The following PTCD3 variants were observed in gnomAD, a reference collection of about 807,000 sequenced individuals.
The protein encoded by PTCD3 is small ribosomal subunit protein mS39.
A neutral mutation model predicts 101.9 loss-of-function variants in PTCD3; 89 were observed. The observed-to-expected ratio is 0.87, with a 90% CI of 0.74 to 1.04. The LOEUF is 1.04. PTCD3 is among the 50% of genes least tolerant of loss of function. The pLI, the probability that PTCD3 is intolerant of heterozygous loss-of-function variation, is 0.00. For synonymous variants in PTCD3, 296 were observed against 278.5 expected, an observed-to-expected ratio of 1.06 and a Z score of -0.63; for missense variants, 870 against 828.2, an observed-to-expected ratio of 1.05 and a Z score of -0.62.
rs1025345805 is a variant in PTCD3 at position 86,106,409 on chromosome 2, T to C, written c.104+58T>C. On this transcript the variant is annotated intron_variant, in intron 1 of 23. Transcript: ENST00000254630. ...CCGCGGAGTCACCTTAGTCCTATGT[T>C]TCCCAGCTGGCTGTGGAAGTAGGCA... The C allele has an allele frequency of 3.3e-6, 5 of 1,536,940 alleles. No individual in the cohort carries two copies. In the African/African-American group the frequency reaches 5.5e-5, roughly 17 times the overall value.
intron 16 of PTCD3, 117 bp downstream of exon 16, chr2:86,131,223 T>A: frequency 1.3e-6 from 1 of 777,814 alleles, no homozygotes; most frequent in Non-Finnish European, 2.0e-6. Flanking sequence ...TGCTTCTGTT[T>A]TTTCTTCTTT....
intron 14 of PTCD3, 30 bp downstream of exon 14, chr2:86,128,021 A>T (rs746270043): frequency 3.9e-6 from 6 of 1,524,564 alleles, no homozygotes; most frequent in Middle Eastern, 3.4e-4. Flanking sequence ...GTGTTAATTT[A>T]TATAGAAAAT....
At chr2:86,135,693 T>C (rs1464031282) in intron 21 of PTCD3, among the ~76,000 whole-genome samples, 1 of 152,200 alleles carries the variant, frequency 6.6e-6, no homozygotes, top group Non-Finnish European at 1.5e-5. Flanking sequence ...TACAAGAAAG[T>C]AGCTTTATTT....
At chr2:86,135,588 A>G (rs1674569888) in intron 21 of PTCD3, among the ~76,000 whole-genome samples, 1 of 152,194 alleles carries the variant, frequency 6.6e-6, no homozygotes, top group Non-Finnish European at 1.5e-5. Context: ...GATCTTTTGT[A>G]GGGGTAGTGA....
At position 86,133,273 on chromosome 2, in the gene PTCD3, CTTGTTAT is replaced by C. The variant is rs1558800203; in HGVS notation, c.1452+20_1452+26del. Reference sequence around the variant, plus strand: ...ATACCTTCAGTAAGATGGTTCATTACTTGTTATTTATCATTCTAGATGAATTGGGTTT... The same window carrying C: ...ATACCTTCAGTAAGATGGTTCATTACTTATCATTCTAGATGAATTGGGTTT... On this transcript the variant is annotated intron_variant, in intron 18 of 23. Transcript: ENST00000254630. 6.2e-7 allele frequency: 1 copy of C among 1,613,942 alleles called. No homozygotes were observed. Among genetic ancestry groups the C allele is most frequent in the East Asian group, 2.2e-5 (1 of 44,864 alleles).
At chr2:86,114,885 A>G (rs902776226) in intron 4 of PTCD3, among the ~76,000 whole-genome samples, 2 of 152,224 alleles carry the variant, frequency 1.3e-5, no homozygotes, top group African/African-American at 4.8e-5. Flanking sequence ...ACCTCTCCAG[A>G]AGATTCAACA....
At chr2:86,131,273 T>C (rs1674490188) in intron 16 of PTCD3, among the ~76,000 whole-genome samples, 167 bp downstream of exon 16, 1 of 152,026 alleles carries the variant, frequency 6.6e-6, no homozygotes, top group Admixed American at 6.6e-5. Flanking sequence ...GAGATGGAGG[T>C]TCACTGTGTC....
intron 22 of PTCD3, 58 bp from the exon 23 acceptor site, chr2:86,136,924 C>A: frequency 6.3e-7 from 1 of 1,593,838 alleles, no homozygotes; most frequent in Non-Finnish European, 8.6e-7. Flanking sequence ...TGGATCTTGC[C>A]TATAAATGTT....
Position 86,137,501 on chromosome 2 carries a change from G to A in PTCD3, c.2012G>A (p.Ser671Asn). 6.2e-7 allele frequency: 1 copy of A among 1,613,356 alleles called. No homozygotes were observed. The highest frequency in any genetic ancestry group is 8.5e-7 in the Non-Finnish European group (1 of 1,179,892). Reference protein sequence around the residue: ...EALSNLTALTSDSDTDSSSDS... With the variant: ...EALSNLTALTNDSDTDSSSDS... Reference sequence around the variant, plus strand: ...CTAAGTAATCTAACTGCATTGACCAGTGACAGTGATACTGACAGCAGCAGT... The same window carrying A: ...CTAAGTAATCTAACTGCATTGACCAATGACAGTGATACTGACAGCAGCAGT... Residue 671 changes from serine to asparagine, a missense_variant, in exon 24 of 24, where the codon AGT becomes AAT. Transcript: ENST00000254630.
At chr2:86,127,519 T>C (rs944079716) in intron 13 of PTCD3, 3 of 548,836 alleles carry the variant, frequency 5.5e-6, no homozygotes, top group Non-Finnish European at 9.4e-6. Context: ...ACTTTGTTTA[T>C]GGATCTGTTG....
rs1172624161 is a variant in PTCD3, at chr2:86,127,313, T to C, written c.1096+8T>C. 6.2e-7 allele frequency: 1 copy of C among 1,612,908 alleles called. No homozygotes were observed. The highest frequency in any genetic ancestry group is 8.5e-7 in the Non-Finnish European group (1 of 1,179,490). ...TGAAAGCCATTGGAATAGGTGAGGA[T>C]GCGCCCTTGAGTTCTCTGAGGACAG... On this transcript the variant is annotated splice_region_variant and intron_variant, in intron 13 of 23. Coordinates refer to ENST00000254630, the MANE Select transcript of PTCD3 (RefSeq NM_017952.6).
At position 86,121,537 on chromosome 2, in the gene PTCD3, T is replaced by C. The variant is rs377105698; in HGVS notation, c.597T>C (p.Gly199=). 4.0e-5 allele frequency: 64 copies of C among 1,611,740 alleles called. No individual in the cohort carries two copies. The highest frequency in any genetic ancestry group is 4.8e-5 in the Non-Finnish European group (56 of 1,178,916). The change falls in exon 8 of 24, where the codon GGT becomes GGC. Residue 199 remains glycine, a synonymous_variant. Coordinates refer to ENST00000254630, the MANE Select transcript of PTCD3 (RefSeq NM_017952.6). ...NSLLDLLCYY[G]DQEPSTDYHF... ...TCTTGGATTTATTGTGTTACTATGG[T>C]GACCAGGAGCCCTCAACTGATTACC...
At position 86,138,157 on chromosome 2, in the gene PTCD3, A is replaced by G. The variant is rs1460967936; in HGVS notation, c.*598A>G. 1.3e-5 allele frequency: 2 copies of G among 152,570 alleles called. No individual in the cohort carries two copies. The highest frequency in any genetic ancestry group is 1.3e-4 in the Admixed American group (2 of 15,346). 9.5% of individuals were successfully genotyped at this position (152,570 alleles called of 1,614,324 possible). ...AGTGTACACGTTTGTATTTTTGTTAATATAGCCGCTGCCATAGTTTTCTAA... is the reference window on the plus strand; with the variant it reads ...AGTGTACACGTTTGTATTTTTGTTAGTATAGCCGCTGCCATAGTTTTCTAA... On this transcript the variant is annotated 3_prime_UTR_variant, in exon 24 of 24. Transcript: ENST00000254630.
intron 6 of PTCD3, among the ~76,000 whole-genome samples, chr2:86,118,241 C>A (rs1240700629): frequency 6.6e-6 from 1 of 152,136 alleles, no homozygotes; most frequent in Non-Finnish European, 1.5e-5. Flanking sequence ...ATTTCCAGCT[C>A]CCTCTTTGTT....
chr2:86,132,240 ACT>A, intron 16 of PTCD3, 76 bp from the exon 17 acceptor site: 2 of 786,760 alleles, frequency 2.5e-6, no homozygotes, highest in South Asian at 2.0e-5. Flanking sequence ...TTCACAAGAC[ACT>A]CTACTGTTGT....
chr2:86,107,682 C>G (rs766719856), intron 1 of PTCD3, among the ~76,000 whole-genome samples: 4 of 152,146 alleles, frequency 2.6e-5, no homozygotes. Flanking sequence ...AATTCCAAGT[C>G]TAAATCAGGC....
At chr2:86,132,177 AT>A in intron 16 of PTCD3, 140 bp from the exon 17 acceptor site, 4 of 555,506 alleles carry the variant, frequency 7.2e-6, no homozygotes, top group Non-Finnish European at 1.3e-5. Flanking sequence ...TCTCCCCCCC[AT>A]TTCTTATAAC....
intron 4 of PTCD3, among the ~76,000 whole-genome samples, chr2:86,115,741 C>T (rs924053911): frequency 6.6e-6 from 1 of 152,030 alleles, no homozygotes; most frequent in Non-Finnish European, 1.5e-5. Context: ...CAGTGGGGCC[C>T]CTGGTGGTAT....
At chr2:86,109,300 G>A (rs772137977) in intron 3 of PTCD3, among the ~76,000 whole-genome samples, 1 of 152,006 alleles carries the variant, frequency 6.6e-6, no homozygotes, top group Admixed American at 6.6e-5. Context: ...CCAGCTACTC[G>A]GGAGGCTGAG....
Sources: allele counts gnomAD v4.1 joint callset (sites outside exome capture counted in the v4.1 genomes callset), GRCh38; gene constraint gnomAD v4.1.1; transcripts MANE v1.5; gene names NCBI Gene and HGNC (gene_info 2026-07-23, HGNC 2026-07-21).